The following GRM1 variants were observed in gnomAD, a reference collection of about 807,000 sequenced individuals.
GRM1 encodes the protein glutamate metabotropic receptor 1.
A neutral mutation model predicts 90.9 loss-of-function variants in GRM1; 33 were observed. The ratio of observed to expected loss-of-function variants is 0.36; its 90% CI spans 0.28 to 0.49. The LOEUF is 0.49. Among genes scored for constraint, GRM1 ranks in the 20% least tolerant of loss-of-function variants. The pLI is 0.99. For missense variants in GRM1, 1,190 were observed against 1,534.3 expected, an observed-to-expected ratio of 0.78 and a Z score of 3.75; for synonymous variants, 700 against 613.2, an observed-to-expected ratio of 1.14 and a Z score of -2.09.
At chr6:146,128,890 T>G (rs1369004401) in intron 1 of GRM1, among the ~76,000 whole-genome samples, 2 of 152,192 alleles carry the variant, frequency 1.3e-5, no homozygotes, top group African/African-American at 4.8e-5. Context: ...ATTTTCATTA[T>G]GAAATCAGAG....
chr6:146,073,876 G>A (rs1405611070), intron 1 of GRM1, among the ~76,000 whole-genome samples: 3 of 152,046 alleles, frequency 2.0e-5, no homozygotes, highest in Non-Finnish European at 4.4e-5. Flanking sequence ...AACTGGCCAC[G>A]AATGTAATCA....
intron 1 of GRM1, among the ~76,000 whole-genome samples, chr6:146,093,762 G>T (rs1776784545): frequency 6.6e-6 from 1 of 151,930 alleles, no homozygotes. Flanking sequence ...ATAAAGGACT[G>T]CCAGGAACAA....
At chr6:146,045,083 G>A (rs537681762) in intron 1 of GRM1, among the ~76,000 whole-genome samples, 1 of 152,012 alleles carries the variant, frequency 6.6e-6, no homozygotes, top group South Asian at 2.1e-4. Flanking sequence ...TCTTATGACA[G>A]TGTATTGTAG....
At chr6:146,338,017 A>G (rs2115008769) in intron 3 of GRM1, among the ~76,000 whole-genome samples, 1 of 152,306 alleles carries the variant, frequency 6.6e-6, no homozygotes, top group African/African-American at 2.4e-5. Flanking sequence ...GAAATTTTCC[A>G]ATATGGATCA....
chr6:146,153,857 A>T (rs1777428994), intron 1 of GRM1, among the ~76,000 whole-genome samples: 1 of 152,240 alleles, frequency 6.6e-6, no homozygotes, highest in South Asian at 2.1e-4. Context: ...TGGGACAAAC[A>T]TTTCATGAAA....
rs143798657 is a variant in GRM1, at chr6:146,199,451, A to G, written c.950+39854A>G. 3.0e-3 allele frequency among the ~76,000 whole-genome samples: 451 copies of G among 152,318 alleles called. 3 individuals are homozygous for G. Among genetic ancestry groups the G allele is most frequent in the Admixed American group, 6.0e-3 (92 of 15,296 alleles). On this transcript the variant is annotated intron_variant, in intron 2 of 7. Coordinates refer to ENST00000282753, the MANE Select transcript of GRM1 (RefSeq NM_001278064.2). ...ATTCTTACTTATTCAGCCTTAAATT[A>G]TTACCCTCTCAATTAAGTTACCTCA...
At position 146,358,285 on chromosome 6, in the gene GRM1, G is replaced by A. The variant is rs113237406; in HGVS notation, c.1602+591G>A. 1.0e-3 allele frequency among the ~76,000 whole-genome samples: 155 copies of A among 152,242 alleles called. 2 individuals are homozygous for A. In the Middle Eastern group the frequency reaches 0.027, roughly 27 times the overall value. On this transcript the variant is annotated intron_variant, in intron 5 of 7. Transcript: ENST00000282753. ...TATGACATCAGTATATATAGAAAAT[G>A]ACAACAAACAAGCATCAAATCCTCG...
intron 2 of GRM1, among the ~76,000 whole-genome samples, chr6:146,272,643 G>T (rs990826685): frequency 1.3e-5 from 2 of 152,164 alleles, no homozygotes; most frequent in Non-Finnish European, 2.9e-5. Context: ...ATTTGTAAAG[G>T]CTTCATAAAG....
chr6:146,185,226 C>T (rs1778690585), intron 2 of GRM1, among the ~76,000 whole-genome samples: 1 of 152,216 alleles, frequency 6.6e-6, no homozygotes, highest in Non-Finnish European at 1.5e-5. Context: ...TGTACATTAA[C>T]TTCCTCTCAC....
intron 5 of GRM1, among the ~76,000 whole-genome samples, chr6:146,367,267 G>A (rs890995873): frequency 1.3e-5 from 2 of 152,202 alleles, no homozygotes; most frequent in East Asian, 3.9e-4. Context: ...CTATGTGTCT[G>A]TTTTTATGCC....
At chr6:146,374,371 A>G (rs188140825) in intron 5 of GRM1, among the ~76,000 whole-genome samples, 207 of 152,164 alleles carry the variant, frequency 1.4e-3, no homozygotes, top group African/African-American at 4.6e-3. Flanking sequence ...TCAGGGTAAT[A>G]TTGGCCTTAT....
At chr6:146,430,606 T>C (rs997158203) in intron 7 of GRM1, among the ~76,000 whole-genome samples, 1 of 152,264 alleles carries the variant, frequency 6.6e-6, no homozygotes, top group Non-Finnish European at 1.5e-5. Flanking sequence ...TGGGATTAAA[T>C]AAATGTCATA....
intron 5 of GRM1, among the ~76,000 whole-genome samples, chr6:146,378,769 A>G (rs1292887297): frequency 2.0e-5 from 3 of 152,338 alleles, no homozygotes; most frequent in Non-Finnish European, 2.9e-5. Flanking sequence ...TTGAGAAGGC[A>G]TAATAGGTCT....
intron 1 of GRM1, among the ~76,000 whole-genome samples, chr6:146,074,187 C>G (rs2128859937): frequency 6.6e-6 from 1 of 152,114 alleles, no homozygotes; most frequent in South Asian, 2.1e-4. Context: ...ATATCAAGAC[C>G]AGATTGCCTC....
rs138101764 is a variant in GRM1 at position 146,367,926 on chromosome 6, G to A, written c.1602+10232G>A. Among the ~76,000 whole-genome samples, 367 of 152,040 alleles carry A rather than the reference G, an allele frequency of 2.4e-3. 1 individual carries two copies. Among genetic ancestry groups the A allele is most frequent in the African/African-American group, 8.0e-3 (332 of 41,452 alleles). ...AGATTGCTATTGGTATTTTGATAAG[G>A]ATTGCATTAAATCTGTAGATCACTT... is the stretch of plus-strand genomic sequence containing the variant. On this transcript the variant is annotated intron_variant, in intron 5 of 7. Coordinates refer to ENST00000282753, the MANE Select transcript of GRM1 (RefSeq NM_001278064.2).
intron 2 of GRM1, among the ~76,000 whole-genome samples, chr6:146,286,093 C>T (rs914947551): frequency 5.8e-4 from 89 of 152,172 alleles, no homozygotes; most frequent in African/African-American, 2.0e-3. Flanking sequence ...CTATATCTGT[C>T]CTGCTATCAC....
At chr6:146,251,697 G>T (rs1281947417) in intron 2 of GRM1, among the ~76,000 whole-genome samples, 1 of 152,188 alleles carries the variant, frequency 6.6e-6, no homozygotes, top group African/African-American at 2.4e-5. Context: ...TTGTGAGTAT[G>T]ATCCTCATAA....
chr6:146,060,400 C>A (rs1296513852), intron 1 of GRM1, among the ~76,000 whole-genome samples: 1 of 152,036 alleles, frequency 6.6e-6, no homozygotes, highest in African/African-American at 2.4e-5. Flanking sequence ...ACCCTCCTCC[C>A]ACTCTCCACC....
chr6:146,224,365 A>G (rs920532559), intron 2 of GRM1, among the ~76,000 whole-genome samples: 2 of 152,156 alleles, frequency 1.3e-5, no homozygotes, highest in Non-Finnish European at 2.9e-5. Context: ...AATGATGGTT[A>G]TAAAAGCTAA....
Sources: gnomAD v4.1 joint callset for allele counts (sites outside exome capture counted in the v4.1 genomes callset) on GRCh38, gnomAD v4.1.1 for gene constraint, MANE v1.5 for transcripts, NCBI Gene and HGNC (gene_info 2026-07-23, HGNC 2026-07-21) for gene names.